The following PARD3B variants were observed in gnomAD, a reference collection of about 807,000 sequenced individuals.
PARD3B encodes the protein par-3 family cell polarity regulator beta.
Under a neutral mutation model 130.2 loss-of-function variants are expected in PARD3B, and 103 were observed. That is an observed-to-expected ratio of 0.79 (90% CI 0.67 to 0.93). The LOEUF (loss-of-function observed/expected upper bound fraction) is 0.93. Among genes scored for constraint, PARD3B ranks in the 40% least tolerant of loss-of-function variants. The probability of loss-of-function intolerance (pLI) is 0.00; values close to 1 mark genes in which losing one functional copy is unlikely to be tolerated. For missense variants in PARD3B, 1,609 were observed against 1,499.2 expected, an observed-to-expected ratio of 1.07 and a Z score of -1.21; for synonymous variants, 583 against 553.2, an observed-to-expected ratio of 1.05 and a Z score of -0.76.
At chr2:205,392,439 C>G (rs1429302932) in intron 18 of PARD3B, among the ~76,000 whole-genome samples, 1 of 152,134 alleles carries the variant, frequency 6.6e-6, no homozygotes, top group Admixed American at 6.6e-5. Flanking sequence ...GTAGCAGACA[C>G]AGATACCAGT....
At chr2:204,608,910 G>A (rs559375026) in intron 1 of PARD3B, among the ~76,000 whole-genome samples, 5 of 152,238 alleles carry the variant, frequency 3.3e-5, no homozygotes, top group African/African-American at 1.2e-4. Flanking sequence ...AAAAGTGTGG[G>A]CCTGTGTCTT....
At chr2:204,747,654 A>G (rs1309859474) in intron 2 of PARD3B, among the ~76,000 whole-genome samples, 1 of 152,212 alleles carries the variant, frequency 6.6e-6, no homozygotes, top group Non-Finnish European at 1.5e-5. Context: ...AGCTGGAGGC[A>G]TCATGCTACC....
chr2:205,212,123 T>C (rs912868327), intron 15 of PARD3B, among the ~76,000 whole-genome samples: 1 of 152,086 alleles, frequency 6.6e-6, no homozygotes, highest in African/African-American at 2.4e-5. Context: ...GTCCTCTCAC[T>C]TGAGGCTAAT....
At chr2:205,283,867 T>C (rs1359312853) in intron 16 of PARD3B, among the ~76,000 whole-genome samples, 1 of 152,172 alleles carries the variant, frequency 6.6e-6, no homozygotes, top group Non-Finnish European at 1.5e-5. Flanking sequence ...CCAGCGGCCT[T>C]TCCACCCAGA....
Position 204,951,791 on chromosome 2 carries a change from C to T in PARD3B, c.223-13361C>T, listed in dbSNP as rs960804338. On this transcript the variant is annotated intron_variant, in intron 2 of 22. Transcript: ENST00000406610. The stretch of plus-strand genomic sequence containing the variant: ...AGCAAGCAGTCATCAGGGTGATAAA[C>T]CAGCTGAATCCTGGCAAATATGCTG... Among the ~76,000 whole-genome samples the T allele has an allele frequency of 5.3e-5, 8 of 152,134 alleles. 1 individual carries two copies. The highest frequency in any genetic ancestry group is 1.7e-4 in the African/African-American group (7 of 41,442).
intron 11 of PARD3B, among the ~76,000 whole-genome samples, chr2:205,167,479 G>A (rs1336148043): frequency 6.6e-6 from 1 of 152,146 alleles, no homozygotes; most frequent in African/African-American, 2.4e-5. Context: ...ATGGGCTGCA[G>A]AGTGACCCAG....
Position 205,125,664 on chromosome 2 carries a change from G to T in PARD3B, c.1361G>T (p.Arg454Met), listed in dbSNP as rs779139788. 2.5e-6 allele frequency: 4 copies of T among 1,614,028 alleles called. No homozygotes were observed. Among genetic ancestry groups the T allele is most frequent in the Non-Finnish European group, 3.4e-6 (4 of 1,180,028 alleles). ...RTQEELVAML[R>M]STKQGETASL... Reference sequence around the variant, plus strand: ...CAGGAAGAGCTTGTGGCCATGCTCAGGAGCACCAAGCAGGGGGAGACAGCA... The same window carrying T: ...CAGGAAGAGCTTGTGGCCATGCTCATGAGCACCAAGCAGGGGGAGACAGCA... Residue 454 changes from arginine (R) to methionine (M), a missense_variant, in exon 10 of 23, where the codon AGG becomes ATG. Transcript: ENST00000406610. This position sits in a 1 kb window ranked among gnomAD's most constrained non-coding sequence, Gnocchi z 4.0.
chr2:205,220,721 G>C (rs6722362), intron 15 of PARD3B, among the ~76,000 whole-genome samples: 124,301 of 152,214 alleles, frequency 0.82, 51,183 homozygotes, highest in East Asian at 0.98. Context: ...ATAGGGTGGC[G>C]ATGGGAGGAC....
intron 20 of PARD3B, among the ~76,000 whole-genome samples, chr2:205,489,519 A>G (rs1457512745): frequency 2.8e-5 from 3 of 107,664 alleles, no homozygotes; most frequent in Admixed American, 1.0e-4. Context: ...ACGTATATAT[A>G]TATACACACA....
intron 22 of PARD3B, among the ~76,000 whole-genome samples, chr2:205,606,494 C>T (rs956855590): frequency 6.6e-6 from 1 of 152,072 alleles, no homozygotes; most frequent in African/African-American, 2.4e-5. Flanking sequence ...GCAGAATTCA[C>T]TTGCCATTTT....
At chr2:204,578,559 A>G (rs2032385544) in intron 1 of PARD3B, among the ~76,000 whole-genome samples, 1 of 152,210 alleles carries the variant, frequency 6.6e-6, no homozygotes. Context: ...AGGTAAGAGC[A>G]TGAGTAATTC....
chr2:205,573,808 A>T (rs534000386), intron 22 of PARD3B, among the ~76,000 whole-genome samples: 1 of 152,316 alleles, frequency 6.6e-6, no homozygotes, highest in South Asian at 2.1e-4. Context: ...CAGGAAATTT[A>T]TACTCTTTGT....
intron 2 of PARD3B, among the ~76,000 whole-genome samples, chr2:204,830,826 A>G (rs567486529): frequency 6.6e-6 from 1 of 152,326 alleles, no homozygotes; most frequent in East Asian, 1.9e-4. Flanking sequence ...AAGGGAATTT[A>G]GCCCAAGGGA....
At chr2:205,131,938 T>G (rs1575891801) in intron 10 of PARD3B, among the ~76,000 whole-genome samples, 1 of 152,238 alleles carries the variant, frequency 6.6e-6, no homozygotes, top group East Asian at 1.9e-4. Flanking sequence ...CACACCTGGG[T>G]TGAGCCTTGA....
At chr2:204,843,041 C>G (rs1266341466) in intron 2 of PARD3B, among the ~76,000 whole-genome samples, 1 of 152,090 alleles carries the variant, frequency 6.6e-6, no homozygotes, top group Non-Finnish European at 1.5e-5. Context: ...CTGGGCCCTC[C>G]TGGCAGAGTT....
In PARD3B at chr2:205,615,870, C is replaced by A. The variant is rs943450369; in HGVS notation, c.*57C>A. 6 of 1,441,458 alleles carry A rather than the reference C, an allele frequency of 4.2e-6. No individual in the cohort carries two copies. The African/African-American group carries it at 7.1e-5, about 17-fold the overall frequency. The allele number at this position is 1,441,458 out of a possible 1,614,324, so 89.3% of individuals were successfully genotyped here. On this transcript the variant is annotated 3_prime_UTR_variant, in exon 23 of 23. Coordinates refer to ENST00000406610, the MANE Select transcript of PARD3B (RefSeq NM_001302769.2). ...AAGGAAGGTGTCTACTCTACCTTTG[C>A]CCTTTCTAAACCTGAAGACCTCCTT...
rs1037301714 is a variant in PARD3B at position 205,405,758 on chromosome 2, C to T, written c.2741+4635C>T. On this transcript the variant is annotated intron_variant, in intron 19 of 22. Transcript: ENST00000406610. The surrounding 1 kb of genome is among the most constrained non-coding windows in gnomAD (Gnocchi z 4.1). ...AGCAGGAACAATGGACTGAATTAAA[C>T]GTAAAGAAAGTTAATGGAAATAAAT... 5.9e-5 allele frequency among the ~76,000 whole-genome samples: 9 copies of T among 152,132 alleles called. No individual in the cohort carries two copies. The highest frequency in any genetic ancestry group is 9.6e-5 in the African/African-American group (4 of 41,508).
intron 2 of PARD3B, among the ~76,000 whole-genome samples, chr2:204,766,387 T>TA (rs2041149204): frequency 6.6e-6 from 1 of 152,162 alleles, no homozygotes; most frequent in Non-Finnish European, 1.5e-5. Flanking sequence ...GTACATAATA[T>TA]AAAAAGTAAA....
intron 1 of PARD3B, among the ~76,000 whole-genome samples, chr2:204,563,753 T>G (rs532596474): frequency 6.6e-6 from 1 of 152,288 alleles, no homozygotes; most frequent in African/African-American, 2.4e-5. Context: ...TTCTATCTCA[T>G]GTCACATCCT....
Sources: gnomAD v4.1 joint callset for allele counts (sites outside exome capture counted in the v4.1 genomes callset) on GRCh38, gnomAD v4.1.1 for gene constraint, Gnocchi (gnomAD v3.1) non-coding constraint, MANE v1.5 for transcripts, NCBI Gene and HGNC (gene_info 2026-07-23, HGNC 2026-07-21) for gene names.